Variants in ADGRL2 observed in about 807,000 individuals in gnomAD.
ADGRL2 encodes calcium-independent alpha-latrotoxin receptor 2.
In ADGRL2, 44 loss-of-function variants were observed where a neutral mutation model predicts 157.4. That is an observed-to-expected ratio of 0.28 (90% CI 0.22 to 0.36). ADGRL2 has a LOEUF of 0.36. ADGRL2 is among the 10% of genes least tolerant of loss of function. The pLI, the probability that ADGRL2 is intolerant of heterozygous loss-of-function variation, is 1.00. For missense variants in ADGRL2, 1,510 were observed against 1,768.9 expected (o/e 0.85, Z 2.63); for synonymous variants, 585 against 624.7 (o/e 0.94, Z 0.95).
chr1:81,492,447 GATA>G (rs1466839132), intron 2 of ADGRL2, among the ~76,000 whole-genome samples: 1 of 152,100 alleles, frequency 6.6e-6, no homozygotes, highest in Non-Finnish European at 1.5e-5. Context: ...ACTTTATTCT[GATA>G]ATGACAGTCT....
At chr1:81,417,454 T>C (rs991604938) in intron 1 of ADGRL2, among the ~76,000 whole-genome samples, 5 of 152,302 alleles carry the variant, frequency 3.3e-5, no homozygotes, top group East Asian at 3.9e-4. Context: ...GAGTTTTTCA[T>C]GATTTTAGAG....
intron 2 of ADGRL2, among the ~76,000 whole-genome samples, chr1:81,784,729 A>AAAT (rs1434510153): frequency 6.7e-6 from 1 of 149,092 alleles, no homozygotes; most frequent in Non-Finnish European, 1.5e-5. Context: ...CCCCGTCTCA[A>AAAT]AAAAAAAAAA....
chr1:81,411,337 G>A (rs528555820), intron 1 of ADGRL2, among the ~76,000 whole-genome samples: 1 of 152,190 alleles, frequency 6.6e-6, no homozygotes, highest in Non-Finnish European at 1.5e-5. Flanking sequence ...ATTTAAAGGA[G>A]GTTTTTTCTT....
At chr1:81,842,692 T>G (rs566413801) in intron 2 of ADGRL2, among the ~76,000 whole-genome samples, 1 of 152,082 alleles carries the variant, frequency 6.6e-6, no homozygotes, top group African/African-American at 2.4e-5. Context: ...CAGAAAAAAA[T>G]TTTGAAAAAT....
rs868283568 is a variant in ADGRL2, at chr1:81,966,550, A to G, written c.2290A>G (p.Lys764Glu). ...NSHVISVSIN[K>E]ESSRVYLTDP... ...TCACGTCATTTCAGTTTCAATCAATAAAGAGTCCAGCCGAGTATACCTGAC... is the reference window on the plus strand; with the variant it reads ...TCACGTCATTTCAGTTTCAATCAATGAAGAGTCCAGCCGAGTATACCTGAC... Residue 764 changes from lysine to glutamate, a missense_variant, in exon 13 of 24, where the codon AAA becomes GAA. Transcript: ENST00000686636. 2 of 1,614,100 alleles carry G rather than the reference A, an allele frequency of 1.2e-6. No homozygotes were observed. Among genetic ancestry groups the G allele is most frequent in the Non-Finnish European group, 1.7e-6 (2 of 1,179,992 alleles).
At chr1:81,426,465 A>G in intron 1 of ADGRL2, 2 of 395,492 alleles carry the variant, frequency 5.1e-6, no homozygotes, top group South Asian at 3.8e-5. Flanking sequence ...AAATGGAGGT[A>G]AAACTGATGC....
chr1:81,911,078 A>G (rs1403784849), intron 3 of ADGRL2, among the ~76,000 whole-genome samples: 1 of 152,068 alleles, frequency 6.6e-6, no homozygotes, highest in East Asian at 1.9e-4. Flanking sequence ...AAATAAATAC[A>G]CTTGTAATTC....
intron 1 of ADGRL2, among the ~76,000 whole-genome samples, chr1:81,819,368 A>G (rs1337648793): frequency 1.3e-5 from 2 of 152,146 alleles, no homozygotes; most frequent in African/African-American, 4.8e-5. Context: ...GGGAGAAGGA[A>G]TGAGCCCATT....
chr1:81,324,012 C>T (rs1008409174), intron 1 of ADGRL2, among the ~76,000 whole-genome samples: 1 of 152,048 alleles, frequency 6.6e-6, no homozygotes, highest in East Asian at 1.9e-4. Context: ...GAGAAGCTCC[C>T]GAAGAATTTA....
intron 2 of ADGRL2, among the ~76,000 whole-genome samples, chr1:81,459,813 TATATA>T (rs2077886814): frequency 2.1e-4 from 1 of 4,654 alleles, no homozygotes; most frequent in South Asian, 0.033. Context: ...TATGTGTTTG[TATATA>T]TATATATATA....
At chr1:81,376,264 G>A (rs564552522) in intron 1 of ADGRL2, among the ~76,000 whole-genome samples, 3 of 152,318 alleles carry the variant, frequency 2.0e-5, no homozygotes, top group African/African-American at 7.2e-5. Flanking sequence ...CCAGCTGCCT[G>A]TGGGGTCGCT....
At chr1:81,618,326 G>A (rs1570652390) in intron 3 of ADGRL2, among the ~76,000 whole-genome samples, 1 of 152,152 alleles carries the variant, frequency 6.6e-6, no homozygotes, top group East Asian at 1.9e-4. Flanking sequence ...ATCCCTTGCT[G>A]TAGCTCATGA....
In ADGRL2 at chr1:81,351,632, C is replaced by A. The variant is rs74902076; in HGVS notation, c.-302+45123C>A. On this transcript the variant is annotated intron_variant, in intron 1 of 24. Coordinates refer to the ADGRL2 transcript ENST00000370721. The stretch of plus-strand genomic sequence containing the variant: ...AAAAAAAAGTCCTTGATGTATTTTA[C>A]CCAGCACGTCAAACCAGCAAGTATG... Among the ~76,000 whole-genome samples, 464 of 152,098 alleles carry A rather than the reference C, an allele frequency of 3.1e-3. 5 individuals are homozygous for A. The highest frequency in any genetic ancestry group is 2.9e-3 in the Non-Finnish European group (198 of 67,972).
At chr1:81,580,962 C>G (rs2080895257) in exon 3 of ADGRL2, 1 of 152,132 alleles carries the variant, frequency 6.6e-6, no homozygotes, top group South Asian at 2.1e-4. Flanking sequence ...ATTACCAAAT[C>G]AGAGCCGAAA....
At chr1:81,975,570 G>A (rs1396034933) in intron 17 of ADGRL2, among the ~76,000 whole-genome samples, 2 of 151,166 alleles carry the variant, frequency 1.3e-5, no homozygotes, top group African/African-American at 4.9e-5. Flanking sequence ...TTGTAAATGC[G>A]TATCAAAGGC....
At chr1:81,340,979 C>T (rs936843495) in intron 1 of ADGRL2, among the ~76,000 whole-genome samples, 1 of 151,800 alleles carries the variant, frequency 6.6e-6, no homozygotes, top group Non-Finnish European at 1.5e-5. Context: ...CGTCAATGGG[C>T]ATGCACTGCT....
At chr1:81,526,100 A>G (rs541072109) in intron 2 of ADGRL2, among the ~76,000 whole-genome samples, 1 of 152,236 alleles carries the variant, frequency 6.6e-6, no homozygotes, top group South Asian at 2.1e-4. Flanking sequence ...TTCCTTTTAT[A>G]GACAATTACA....
At chr1:81,715,316 CAT>C (rs529344634) in intron 1 of ADGRL2, among the ~76,000 whole-genome samples, 4 of 150,046 alleles carry the variant, frequency 2.7e-5, no homozygotes, top group African/African-American at 2.4e-5. Context: ...TCTAAAGAGA[CAT>C]ATATATATAT....
At chr1:81,318,302 T>C (rs1388350649) in intron 1 of ADGRL2, among the ~76,000 whole-genome samples, 1 of 152,220 alleles carries the variant, frequency 6.6e-6, no homozygotes, top group Non-Finnish European at 1.5e-5. Context: ...ATTGTTACAC[T>C]TCTAAGAGTA....
Sources: allele counts gnomAD v4.1 joint callset (sites outside exome capture counted in the v4.1 genomes callset), GRCh38; gene constraint gnomAD v4.1.1; transcripts MANE v1.5; gene names NCBI Gene and HGNC (gene_info 2026-07-23, HGNC 2026-07-21).